TSNARE1: variants seen among roughly 807,000 people sequenced by gnomAD.
TSNARE1 encodes the protein t-SNARE domain containing 1.
In TSNARE1, 49 loss-of-function variants were observed where a neutral mutation model predicts 62.0. The ratio of observed to expected loss-of-function variants is 0.79; its 90% CI spans 0.63 to 1.00. TSNARE1 has a LOEUF of 1.00. TSNARE1 is among the 50% of genes least tolerant of loss of function. TSNARE1 has a pLI of 0.00. For synonymous variants in TSNARE1, 328 were observed against 294.4 expected, an observed-to-expected ratio of 1.11 and a Z score of -1.17; for missense variants, 755 against 700.1, an observed-to-expected ratio of 1.08 and a Z score of -0.88.
chr8:142,330,919 T>A lies in TSNARE1; in HGVS notation c.875A>T (p.Gln292Leu), dbSNP rs1238999563. ...CACTCACAGGCTGTCCCGAAGCTCC[T>A]GCGTGTCACTCGGTGTCCCTAAGGA... ...LQSLGTPSDTQELRDSLHTAQ... is the reference protein window; with the variant it reads ...LQSLGTPSDTLELRDSLHTAQ... The change falls in exon 6 of 14, where the codon CAG becomes CTG. Residue 292 changes from glutamine (Q) to leucine (L), a missense_variant. By Grantham distance (113) the Gln-to-Leu change is moderately radical. Coordinates refer to ENST00000524325, the MANE Select transcript of TSNARE1 (RefSeq NM_145003.5). 6.2e-7 allele frequency: 1 copy of A among 1,614,108 alleles called. No individual in the cohort carries two copies.
At chr8:142,234,689 T>G (rs1817315672) in intron 12 of TSNARE1, among the ~76,000 whole-genome samples, 1 of 152,160 alleles carries the variant, frequency 6.6e-6, no homozygotes, top group Non-Finnish European at 1.5e-5. Context: ...TGCTGGGCTG[T>G]CAGTCAGGTG....
rs930192586 is a variant in TSNARE1, at chr8:142,291,453, T to C, written c.1291-6968A>G. Among the ~76,000 whole-genome samples the C allele has an allele frequency of 2.6e-5, 4 of 152,136 alleles. No individual in the cohort carries two copies. Among genetic ancestry groups the C allele is most frequent in the Admixed American group, 2.6e-4 (4 of 15,290 alleles). ...ACATATAAATAATGTCAGCAGGGCCTTGTCGTTAAACACAGAGCCTCCATG... is the reference window on the plus strand; with the variant it reads ...ACATATAAATAATGTCAGCAGGGCCCTGTCGTTAAACACAGAGCCTCCATG... On this transcript the variant is annotated intron_variant, in intron 10 of 13. Transcript: ENST00000524325. The surrounding 1 kb of genome is among the most constrained non-coding windows in gnomAD (Gnocchi z 4.8).
chr8:142,282,233 CATCCA>C (rs755436473), intron 11 of TSNARE1, among the ~76,000 whole-genome samples: 1,605 of 152,316 alleles, frequency 0.011, 18 homozygotes, highest in Non-Finnish European at 0.016. Context: ...AGCACGGGTA[CATCCA>C]TAGCAGAACC....
chr8:142,274,933 C>G (rs574097621), intron 11 of TSNARE1, 70 bp from the exon 12 acceptor site: 3 of 1,421,202 alleles, frequency 2.1e-6, no homozygotes, highest in Non-Finnish European at 1.9e-6. Context: ...GGACACCCCC[C>G]AAAGGCAAGC....
At chr8:142,247,439 C>T (rs1817932989) in intron 12 of TSNARE1, 1 of 152,214 alleles carries the variant, frequency 6.6e-6, no homozygotes, top group Non-Finnish European at 1.5e-5. Flanking sequence ...TTCTCTCATT[C>T]AAAGTAGAAA....
rs116506890 is a variant in TSNARE1, at chr8:142,344,409, G to A, written c.302C>T (p.Pro101Leu). 8.5e-4 allele frequency: 1,343 copies of A among 1,588,092 alleles called. 13 individuals are homozygous for A. The African/African-American group carries it at 0.015, about 18-fold the overall frequency. ...PEPTSSPTIG[P>L]RKDSAAGPHG... The stretch of plus-strand genomic sequence containing the variant: ...GGGCCCAGCAGCCGAGTCCTTCCTC[G>A]GGCCAATGGTGGGTGATGAGGTGGG... The change falls in exon 4 of 14, where the codon CCG (proline) becomes CTG (leucine). Residue 101 changes from proline (P) to leucine (L), a missense_variant. Transcript: ENST00000524325.
At chr8:142,338,959 C>T (rs4518767) in intron 4 of TSNARE1, among the ~76,000 whole-genome samples, 3,944 of 152,250 alleles carry the variant, frequency 0.026, 53 homozygotes, top group East Asian at 0.067. Context: ...CTACCCTGCA[C>T]GTGAGCTGCT....
At position 142,223,121 on chromosome 8, in the gene TSNARE1, T is replaced by TCCAC. The variant is rs1563756768; in HGVS notation, c.*11+6351_*11+6352insGTGG. ...ACTCATTCACTCACTCGTTCACTCA[T>TCCAC]TCACTCATTCACTCATTCACTCATC... On this transcript the variant is annotated intron_variant, in intron 13 of 13. Transcript: ENST00000524325. Among the ~76,000 whole-genome samples, 50 of 13,224 alleles carry TCCAC rather than the reference T, an allele frequency of 3.8e-3. 1 individual carries two copies. Among genetic ancestry groups the TCCAC allele is most frequent in the African/African-American group, 0.01 (45 of 4,334 alleles). 8.7% of individuals were successfully genotyped at this position (13,224 alleles called of 152,430 possible).
intron 1 of TSNARE1, among the ~76,000 whole-genome samples, chr8:142,374,323 G>T (rs1252065989): frequency 7.0e-6 from 1 of 142,090 alleles, no homozygotes; most frequent in Non-Finnish European, 1.5e-5. Flanking sequence ...AAAAGAAAAA[G>T]AAAAAAAAAA....
intron 12 of TSNARE1, among the ~76,000 whole-genome samples, chr8:142,261,145 A>AAGGAGGAG: frequency 1.6e-5 from 1 of 61,246 alleles, no homozygotes; most frequent in East Asian, 6.1e-4. Context: ...GGAAGGAGGA[A>AAGGAGGAG]AGAGGTAGAA....
intron 10 of TSNARE1, among the ~76,000 whole-genome samples, chr8:142,293,173 G>A (rs574311458): frequency 1.6e-4 from 24 of 152,328 alleles, no homozygotes; most frequent in Admixed American, 6.5e-4. Context: ...GTTCTCAGTG[G>A]CACCGACACC....
chr8:142,338,545 C>A (rs1832099582), intron 4 of TSNARE1, among the ~76,000 whole-genome samples: 1 of 151,982 alleles, frequency 6.6e-6, no homozygotes, highest in African/African-American at 2.4e-5. Flanking sequence ...CTGCCTGGAC[C>A]ACTGGGCAAG....
Position 142,291,007 on chromosome 8 carries a change from C to T in TSNARE1, c.1291-6522G>A, listed in dbSNP as rs1823648812. ...AGCTCTGGACCAGTGCCCCGGTGAGCCTGCTGCACGCTGGCAGTGGACTGA... is the reference window on the plus strand; with the variant it reads ...AGCTCTGGACCAGTGCCCCGGTGAGTCTGCTGCACGCTGGCAGTGGACTGA... On this transcript the variant is annotated intron_variant, in intron 10 of 13. Transcript: ENST00000524325. The surrounding 1 kb of genome is among the most constrained non-coding windows in gnomAD (Gnocchi z 4.8). Among the ~76,000 whole-genome samples, 1 of 152,138 alleles carries T rather than the reference C, an allele frequency of 6.6e-6. No individual in the cohort carries two copies. The highest frequency in any genetic ancestry group is 2.1e-4 in the South Asian group (1 of 4,826).
intron 1 of TSNARE1, among the ~76,000 whole-genome samples, chr8:142,356,194 C>A (rs138326971): frequency 6.6e-6 from 1 of 152,348 alleles, no homozygotes; most frequent in African/African-American, 2.4e-5. Context: ...GCTGGACTCA[C>A]ACCTGCTGCT....
At chr8:142,384,600 A>G (rs921871507) in intron 1 of TSNARE1, among the ~76,000 whole-genome samples, 2 of 152,222 alleles carry the variant, frequency 1.3e-5, no homozygotes, top group African/African-American at 4.8e-5. Context: ...TTTTCAACAA[A>G]TGGTGCTGGA....
At chr8:142,337,472 T>G (rs1831908639) in intron 4 of TSNARE1, among the ~76,000 whole-genome samples, 1 of 152,210 alleles carries the variant, frequency 6.6e-6, no homozygotes, top group Non-Finnish European at 1.5e-5. Flanking sequence ...CTGTGCTATG[T>G]CCAAAGACAT....
At chr8:142,356,533 T>G (rs1394195617) in intron 1 of TSNARE1, among the ~76,000 whole-genome samples, 1 of 152,034 alleles carries the variant, frequency 6.6e-6, no homozygotes, top group Non-Finnish European at 1.5e-5. Flanking sequence ...CGGGGCCTCA[T>G]CGGGAAAAGC....
intron 7 of TSNARE1, 98 bp downstream of exon 7, chr8:142,318,446 C>T: frequency 8.2e-7 from 1 of 1,221,294 alleles, no homozygotes; most frequent in Non-Finnish European, 1.2e-6. Context: ...CACACGTCAG[C>T]CTCCCTGTAT....
intron 1 of TSNARE1, among the ~76,000 whole-genome samples, chr8:142,392,470 T>C (rs1487255427): frequency 6.6e-6 from 1 of 152,230 alleles, no homozygotes; most frequent in Non-Finnish European, 1.5e-5. Context: ...CAGGTCTGCT[T>C]GCACCAGCTC....
Sources: allele counts gnomAD v4.1 joint callset (sites outside exome capture counted in the v4.1 genomes callset), GRCh38; gene constraint gnomAD v4.1.1; non-coding constraint Gnocchi (gnomAD v3.1); transcripts MANE v1.5; gene names NCBI Gene and HGNC (gene_info 2026-07-23, HGNC 2026-07-21).